CMTM4: variants seen among roughly 807,000 people sequenced by gnomAD.
CMTM4 encodes CKLF-like MARVEL transmembrane domain-containing protein 4.
CMTM4 carries 8 observed loss-of-function variants against 19.0 expected under a neutral mutation model. The observed-to-expected ratio is 0.42, with a 90% CI of 0.25 to 0.76. CMTM4 has a LOEUF of 0.76. CMTM4 is among the 30% of genes least tolerant of loss of function. The pLI is 0.27. For missense variants in CMTM4, 228 were observed against 290.2 expected, an observed-to-expected ratio of 0.79 and a Z score of 1.56; for synonymous variants, 106 against 121.1, an observed-to-expected ratio of 0.88 and a Z score of 0.82.
chr16:66,661,339 G>C (rs182270302), intron 1 of CMTM4, among the ~76,000 whole-genome samples: 2 of 152,296 alleles, frequency 1.3e-5, no homozygotes, highest in African/African-American at 2.4e-5. Context: ...AGGGAGAACA[G>C]ACTTGATAAA....
intron 1 of CMTM4, among the ~76,000 whole-genome samples, chr16:66,665,310 T>C (rs1279850928): frequency 7.2e-6 from 1 of 137,948 alleles, no homozygotes; most frequent in Non-Finnish European, 1.6e-5. Flanking sequence ...TCAAAAGGGA[T>C]CATAGATCTA....
chr16:66,609,533 G>A, the CMTM4 span: 369 of 1,591,722 alleles, frequency 2.3e-4, 1 homozygote, highest in African/African-American at 3.9e-3. This position sits in a 1 kb window ranked among gnomAD's most constrained non-coding sequence, Gnocchi z 4.4. Flanking sequence ...CCGCTGGGGT[G>A]AGCAGCCGCC....
Position 66,617,564 on chromosome 16 carries a change from A to T in CMTM4, c.*4494T>A. On this transcript the variant is annotated 3_prime_UTR_variant, in exon 4 of 4. Transcript: ENST00000394106. ...ATTTTTCTAGACCTAACAGATATTGACGGTATTTTCTCTCACAGTTTCTAA... is the reference window on the plus strand; with the variant it reads ...ATTTTTCTAGACCTAACAGATATTGTCGGTATTTTCTCTCACAGTTTCTAA... 1 of 1,322,642 alleles carries T rather than the reference A, an allele frequency of 7.6e-7. No homozygotes were observed. The highest frequency in any genetic ancestry group is 1.9e-5 in the South Asian group (1 of 53,630). 81.9% of individuals were successfully genotyped at this position (1,322,642 alleles called of 1,614,324 possible). A position where few individuals can be genotyped will look rare whatever the true frequency, so the allele number is the denominator to read the frequency against.
At chr16:66,685,802 C>T (rs545468786) in intron 1 of CMTM4, among the ~76,000 whole-genome samples, 8 of 152,238 alleles carry the variant, frequency 5.3e-5, no homozygotes, top group African/African-American at 1.9e-4. Context: ...GGCCACCACA[C>T]CCGGATAATT....
chr16:66,641,047 CTTGT>C (rs1459356036), intron 1 of CMTM4, among the ~76,000 whole-genome samples: 1 of 152,146 alleles, frequency 6.6e-6, no homozygotes, highest in African/African-American at 2.4e-5. Context: ...AGATCTGATT[CTTGT>C]TTGTTTGCTT....
chr16:66,643,737 A>C (rs1306978715), intron 1 of CMTM4, among the ~76,000 whole-genome samples: 1 of 152,072 alleles, frequency 6.6e-6, no homozygotes, highest in African/African-American at 2.4e-5. Flanking sequence ...TATAAACAGC[A>C]AGTACTTCTT....
chr16:66,677,121 A>C (rs1387065607), intron 1 of CMTM4, among the ~76,000 whole-genome samples: 1 of 152,192 alleles, frequency 6.6e-6, no homozygotes, highest in Non-Finnish European at 1.5e-5. Flanking sequence ...CTGTAGTCCC[A>C]GCTACTCTAG....
At chr16:66,687,682 AT>A (rs1176777153) in intron 1 of CMTM4, among the ~76,000 whole-genome samples, 6,072 of 93,232 alleles carry the variant, frequency 0.065, 91 homozygotes, top group East Asian at 0.16. Flanking sequence ...AAAAAGGGTA[AT>A]TTTTTTTTTT....
chr16:66,682,485 A>C (rs2016934196), intron 1 of CMTM4, among the ~76,000 whole-genome samples: 1 of 152,140 alleles, frequency 6.6e-6, no homozygotes, highest in Non-Finnish European at 1.5e-5. Flanking sequence ...CTTCCACTGC[A>C]CCAGTCATCA....
intron 1 of CMTM4, among the ~76,000 whole-genome samples, chr16:66,689,597 G>T (rs113112115): frequency 0.036 from 5,491 of 152,048 alleles, 194 homozygotes; most frequent in East Asian, 0.15. Context: ...TGTAGAGAAG[G>T]GGATTCACCA....
chr16:66,691,676 G>C (rs1046256320), intron 1 of CMTM4, among the ~76,000 whole-genome samples: 2 of 152,176 alleles, frequency 1.3e-5, no homozygotes, highest in Non-Finnish European at 2.9e-5. Flanking sequence ...ACTCCAGCCT[G>C]GGCACAGAGC....
intron 1 of CMTM4, among the ~76,000 whole-genome samples, chr16:66,679,773 G>T (rs1596958653): frequency 6.7e-6 from 1 of 149,262 alleles, no homozygotes; most frequent in East Asian, 2.0e-4. Context: ...TCAGTGAACT[G>T]AGATCACACC....
At chr16:66,604,896 C>A in the CMTM4 span, 1 of 1,449,718 alleles carries the variant, frequency 6.9e-7, no homozygotes, top group Non-Finnish European at 9.0e-7. Flanking sequence ...CCGCGCCCTG[C>A]TGCCGGCGCG....
At position 66,622,031 on chromosome 16, in the gene CMTM4, G is replaced by T; in HGVS notation, c.*27C>A. 1 of 1,545,124 alleles carries T rather than the reference G, an allele frequency of 6.5e-7. No individual in the cohort carries two copies. The highest frequency in any genetic ancestry group is 2.4e-5 in the East Asian group (1 of 41,352). On this transcript the variant is annotated 3_prime_UTR_variant, in exon 4 of 4. Transcript: ENST00000394106. This position sits in a 1 kb window ranked among gnomAD's most constrained non-coding sequence, Gnocchi z 4.0. ...TTGACTGAGAGACAGGCACGAGGAC[G>T]GGAGGGAGGAGGATCCAGGCAGGTC...
intron 1 of CMTM4, among the ~76,000 whole-genome samples, chr16:66,668,165 A>T (rs77821183): frequency 9.3e-5 from 13 of 139,852 alleles, no homozygotes; most frequent in Non-Finnish European, 1.7e-4. Context: ...CAACAGAGCT[A>T]TTTTTTTTTT....
intron 1 of CMTM4, among the ~76,000 whole-genome samples, chr16:66,683,206 T>TAA (rs1448325757): frequency 4.3e-5 from 6 of 138,192 alleles, no homozygotes; most frequent in Non-Finnish European, 7.7e-5. Context: ...TATATATATA[T>TAA]ATATAAATTT....
intron 1 of CMTM4, among the ~76,000 whole-genome samples, chr16:66,677,291 C>G (rs1421358606): frequency 6.6e-6 from 1 of 152,204 alleles, no homozygotes; most frequent in Non-Finnish European, 1.5e-5. Context: ...ATGGCAGGAC[C>G]AGAGGAAGAC....
chr16:66,625,233 G>A (rs1308804327), intron 2 of CMTM4, among the ~76,000 whole-genome samples: 2 of 152,028 alleles, frequency 1.3e-5, no homozygotes, highest in Non-Finnish European at 2.9e-5. Context: ...TTGGGAGTTC[G>A]AGACCAGCCT....
At chr16:66,643,823 G>A (rs750057370) in intron 1 of CMTM4, among the ~76,000 whole-genome samples, 4 of 152,094 alleles carry the variant, frequency 2.6e-5, no homozygotes, top group South Asian at 2.1e-4. Context: ...GCATGATCTC[G>A]GCTCACCGCA....
Sources: allele counts gnomAD v4.1 joint callset (sites outside exome capture counted in the v4.1 genomes callset), GRCh38; gene constraint gnomAD v4.1.1; non-coding constraint Gnocchi (gnomAD v3.1); transcripts MANE v1.5; gene names NCBI Gene and HGNC (gene_info 2026-07-23, HGNC 2026-07-21).